Variants in ADAM9 observed in about 807,000 individuals in gnomAD.
The protein encoded by ADAM9 is disintegrin and metalloproteinase domain-containing protein 9.
ADAM9 carries 54 observed loss-of-function variants against 108.1 expected under a neutral mutation model. The ratio of observed to expected loss-of-function variants is 0.50; its 90% CI spans 0.40 to 0.63. The LOEUF is 0.63. Among genes scored for constraint, ADAM9 ranks in the 20% least tolerant of loss-of-function variants. The probability of loss-of-function intolerance (pLI) is 0.00; values close to 1 mark genes in which losing one functional copy is unlikely to be tolerated. For synonymous variants in ADAM9, 316 were observed against 336.0 expected (o/e 0.94, Z 0.65); for missense variants, 830 against 997.7 (o/e 0.83, Z 2.26).
intron 5 of ADAM9, 72 bp from the exon 6 acceptor site, chr8:39,017,147 G>T (rs745512351): frequency 1.0e-5 from 16 of 1,525,832 alleles, no homozygotes; most frequent in Non-Finnish European, 1.4e-5. Context: ...ATTAGGACTT[G>T]AACTTAGGTT....
Position 39,103,815 on chromosome 8 carries a change from C to A in ADAM9, c.*115C>A. ...TGCAACTATGAATGAAAACAAAACACCACAAAACAGACTTCACTAACACAG... is the reference window on the plus strand; with the variant it reads ...TGCAACTATGAATGAAAACAAAACAACACAAAACAGACTTCACTAACACAG... On this transcript the variant is annotated 3_prime_UTR_variant, in exon 22 of 22. Coordinates refer to ENST00000487273, the MANE Select transcript of ADAM9 (RefSeq NM_003816.3). The A allele has an allele frequency of 1.0e-6, 1 of 977,978 alleles. No individual in the cohort carries two copies. 60.6% of individuals were successfully genotyped at this position (977,978 alleles called of 1,614,324 possible).
At chr8:39,031,792 T>C (rs1250267348) in intron 11 of ADAM9, among the ~76,000 whole-genome samples, 2 of 152,234 alleles carry the variant, frequency 1.3e-5, no homozygotes, top group Non-Finnish European at 2.9e-5. Flanking sequence ...TGGTTTTATC[T>C]ACCTTTGGTC....
intron 20 of ADAM9, among the ~76,000 whole-genome samples, chr8:39,096,417 T>A (rs998364285): frequency 8.5e-5 from 13 of 152,170 alleles, no homozygotes; most frequent in African/African-American, 2.9e-4. Context: ...ATTACTTCAA[T>A]CACAAAAACT....
At chr8:39,048,744 T>TA (rs1837855389) in intron 12 of ADAM9, among the ~76,000 whole-genome samples, 1 of 152,200 alleles carries the variant, frequency 6.6e-6, no homozygotes, top group South Asian at 2.1e-4. Flanking sequence ...ATTACATATT[T>TA]AGGTGCTCTA....
chr8:39,095,110 A>G (rs750227193), intron 20 of ADAM9, among the ~76,000 whole-genome samples: 8 of 151,970 alleles, frequency 5.3e-5, no homozygotes, highest in Non-Finnish European at 5.9e-5. Flanking sequence ...TTGTGTTTCT[A>G]TTTTTGTTGT....
chr8:39,023,238 G>T lies in ADAM9; in HGVS notation c.827G>T (p.Gly276Val). 2.5e-6 allele frequency: 4 copies of T among 1,613,772 alleles called. No individual in the cohort carries two copies. The highest frequency in any genetic ancestry group is 3.4e-6 in the Non-Finnish European group (4 of 1,179,866). Residue 276 changes from glycine to valine, a missense_variant, in exon 9 of 22, where the codon GGT becomes GTT. Gly to Val is a moderately radical substitution (Grantham distance 109). This residue lies in a region of ADAM9 where 381 missense variants were observed against 539.8 expected (regional missense o/e 0.71). Transcript: ENST00000487273. ...TNGNLINIVG[G>V]AGDVLGNFVQ... is the part of the protein sequence containing the mutation. ...GGAAACCTGATCAACATAGTTGGGG[G>T]TGCTGGTGATGTGCTGGGGAACTTC...
chr8:39,045,106 ATACATACATATG>A lies in ADAM9; in HGVS notation c.1302+2991_1302+3002del, dbSNP rs1837619146. ...TGCATACATACATATGTGTGTGTGCATACATACATATGTGTGTGTGCATACATACATATATGT... is the reference window on the plus strand; with the variant it reads ...TGCATACATACATATGTGTGTGTGCATGTGTGTGCATACATACATATATGT... On this transcript the variant is annotated intron_variant, in intron 12 of 21. Transcript: ENST00000487273. 3.4e-4 allele frequency among the ~76,000 whole-genome samples: 6 copies of A among 17,820 alleles called. No homozygotes were observed. In the East Asian group the frequency reaches 0.015, roughly 45 times the overall value. The allele number at this position is 17,820 out of a possible 152,430, so 11.7% of individuals were successfully genotyped here.
In ADAM9 at chr8:39,045,102, GTGCATACATACA is replaced by G. The variant is rs765046780; in HGVS notation, c.1302+2987_1302+2998del. On this transcript the variant is annotated intron_variant, in intron 12 of 21. Transcript: ENST00000487273. ...TGTGTGCATACATACATATGTGTGTGTGCATACATACATATGTGTGTGTGCATACATACATAT... is the reference window on the plus strand; with the variant it reads ...TGTGTGCATACATACATATGTGTGTGTATGTGTGTGTGCATACATACATAT... 7.1e-4 allele frequency among the ~76,000 whole-genome samples: 15 copies of G among 20,994 alleles called. 4 individuals are homozygous for G. The highest frequency in any genetic ancestry group is 3.2e-3 in the African/African-American group (10 of 3,100). The allele number at this position is 20,994 out of a possible 152,430, so 13.8% of individuals were successfully genotyped here.
At chr8:39,095,459 G>A (rs1263036905) in intron 20 of ADAM9, among the ~76,000 whole-genome samples, 1 of 152,088 alleles carries the variant, frequency 6.6e-6, no homozygotes, top group Admixed American at 6.5e-5. Flanking sequence ...AATTTCTTCA[G>A]TTATTGATTT....
intron 14 of ADAM9, among the ~76,000 whole-genome samples, chr8:39,066,568 T>G (rs918697012): frequency 1.3e-5 from 2 of 152,248 alleles, no homozygotes; most frequent in Admixed American, 6.5e-5. Context: ...AAATGTCTGT[T>G]CATCTCCTTT....
chr8:39,103,560 T>A lies in ADAM9; in HGVS notation c.2367-47T>A, dbSNP rs1839765160. On this transcript the variant is annotated intron_variant, in intron 21 of 21. Coordinates refer to ENST00000487273, the MANE Select transcript of ADAM9 (RefSeq NM_003816.3). ...GAGCTTGTAATGAATATGGCATTAT[T>A]TCACCCAGTCTAAACACTCTATTAA... 5 of 1,555,654 alleles carry A rather than the reference T, an allele frequency of 3.2e-6. No individual in the cohort carries two copies. In the South Asian group the frequency reaches 5.6e-5, roughly 17 times the overall value.
At chr8:39,072,063 A>G (rs897297876) in intron 15 of ADAM9, among the ~76,000 whole-genome samples, 6 of 152,188 alleles carry the variant, frequency 3.9e-5, no homozygotes, top group African/African-American at 1.4e-4. Context: ...GAAACTCTGA[A>G]CTTCATTATT....
intron 20 of ADAM9, among the ~76,000 whole-genome samples, chr8:39,098,706 G>C (rs2129443535): frequency 6.6e-6 from 1 of 152,178 alleles, no homozygotes; most frequent in Admixed American, 6.5e-5. Flanking sequence ...TTTTTGTGCT[G>C]TATCTGATCA....
chr8:39,065,212 G>GTT (rs35814763), intron 14 of ADAM9, among the ~76,000 whole-genome samples: 41 of 134,690 alleles, frequency 3.0e-4, no homozygotes, highest in African/African-American at 9.4e-4. Context: ...GTTTTTTTTT[G>GTT]TTTTTTTTTT....
intron 1 of ADAM9, among the ~76,000 whole-genome samples, chr8:39,005,314 A>G (rs1836126303): frequency 6.6e-6 from 1 of 152,350 alleles, no homozygotes; most frequent in East Asian, 1.9e-4. Flanking sequence ...AAAAGGTGAT[A>G]TCTAGAAGAT....
chr8:39,102,209 C>T (rs1360583666), intron 21 of ADAM9, among the ~76,000 whole-genome samples: 1 of 152,120 alleles, frequency 6.6e-6, no homozygotes, highest in Non-Finnish European at 1.5e-5. Context: ...TTGAGATAAC[C>T]AGCAGTAGGA....
chr8:39,016,444 A>C (rs1836529932), intron 5 of ADAM9, among the ~76,000 whole-genome samples: 3 of 152,324 alleles, frequency 2.0e-5, no homozygotes, highest in Admixed American at 6.5e-5. Flanking sequence ...TTTGCTATTT[A>C]AAATGAAATA....
Position 39,023,307 on chromosome 8 carries a change from A to G in ADAM9, c.896A>G (p.Asp299Gly). 6.2e-7 allele frequency: 1 copy of G among 1,612,828 alleles called. No homozygotes were observed. The highest frequency in any genetic ancestry group is 1.3e-5 in the African/African-American group (1 of 74,974). ...TTTCTTATCACACGTCGGAGACATGACAGTGCACAGCTAGTTCTGTAAGTA... is the reference window on the plus strand; with the variant it reads ...TTTCTTATCACACGTCGGAGACATGGCAGTGCACAGCTAGTTCTGTAAGTA... ...EKFLITRRRH[D>G]SAQLVLKKGF... The change falls in exon 9 of 22, where the codon GAC (aspartate) becomes GGC (glycine). Residue 299 changes from aspartate to glycine, a missense_variant. Asp to Gly is a moderately conservative substitution (Grantham distance 94). Around this residue, in one of 3 missense-constraint regions of ADAM9, gnomAD observed 381 missense variants for 539.8 expected, o/e 0.71. Coordinates refer to ENST00000487273, the MANE Select transcript of ADAM9 (RefSeq NM_003816.3).
intron 11 of ADAM9, among the ~76,000 whole-genome samples, chr8:39,038,550 T>C (rs1837356287): frequency 6.6e-6 from 1 of 152,204 alleles, no homozygotes; most frequent in Non-Finnish European, 1.5e-5. Context: ...ACTTATTACC[T>C]TATAATATGC....
Sources: gnomAD v4.1 joint callset for allele counts (sites outside exome capture counted in the v4.1 genomes callset) on GRCh38, gnomAD v4.1.1 for gene constraint, gnomAD v4.1.1 regional missense constraint, MANE v1.5 for transcripts, NCBI Gene and HGNC (gene_info 2026-07-23, HGNC 2026-07-21) for gene names.